GNB1: variants seen among roughly 807,000 people sequenced by gnomAD.
GNB1 encodes G protein subunit beta 1, also known as guanine nucleotide-binding protein G(I)/G(S)/G(T) subunit beta-1.
A neutral mutation model predicts 42.9 loss-of-function variants in GNB1; 2 were observed. The ratio of observed to expected loss-of-function variants is 0.05; its 90% CI spans 0.02 to 0.15. The LOEUF (loss-of-function observed/expected upper bound fraction) is 0.15, where lower values mean the gene tolerates loss of function less well. GNB1 is among the 10% of genes least tolerant of loss of function. The pLI is 1.00. For synonymous variants in GNB1, 183 were observed against 174.7 expected, an observed-to-expected ratio of 1.05 and a Z score of -0.38; for missense variants, 193 against 462.2, an observed-to-expected ratio of 0.42 and a Z score of 5.34.
At chr1:1,853,196 C>T (rs1648085814) in intron 1 of GNB1, among the ~76,000 whole-genome samples, 1 of 152,220 alleles carries the variant, frequency 6.6e-6, no homozygotes, top group Non-Finnish European at 1.5e-5. Flanking sequence ...TATCCCACCT[C>T]TTTTCCACTT....
intron 3 of GNB1, among the ~76,000 whole-genome samples, chr1:1,820,178 G>A (rs560077413): frequency 3.4e-4 from 51 of 152,016 alleles, no homozygotes; most frequent in Non-Finnish European, 6.6e-4. Context: ...CCAACATGGT[G>A]AAACCCCATC....
chr1:1,801,228 A>C (rs1411509782), intron 7 of GNB1, among the ~76,000 whole-genome samples: 1 of 152,162 alleles, frequency 6.6e-6, no homozygotes, highest in African/African-American at 2.4e-5. Context: ...GGGTTTCGTC[A>C]TGTTGGCTAG....
intron 1 of GNB1, among the ~76,000 whole-genome samples, chr1:1,872,935 G>C (rs527407856): frequency 6.6e-6 from 1 of 152,266 alleles, no homozygotes; most frequent in East Asian, 1.9e-4. Flanking sequence ...TCCTAAAGCA[G>C]GAAGTTCTTG....
In GNB1 at chr1:1,851,774, C is replaced by G. The variant is rs1330989643; in HGVS notation, c.-95-12536G>C. Among the ~76,000 whole-genome samples, 3 of 151,932 alleles carry G rather than the reference C, an allele frequency of 2.0e-5. No homozygotes were observed. In the East Asian group the frequency reaches 5.8e-4, roughly 30 times the overall value. ...TAAACAGGCATTCGGCCGGGCACAG[C>G]GGCTCACGCCTATAATCCCAGCACT... On this transcript the variant is annotated intron_variant, in intron 1 of 11. Coordinates refer to ENST00000378609, the MANE Select transcript of GNB1 (RefSeq NM_002074.5).
chr1:1,803,799 C>T (rs1646657724), intron 7 of GNB1, among the ~76,000 whole-genome samples: 1 of 151,738 alleles, frequency 6.6e-6, no homozygotes, highest in South Asian at 2.1e-4. Context: ...CTGGCCAATA[C>T]AGCAAAACCC....
chr1:1,825,590 C>A (rs750726822), intron 2 of GNB1, 91 bp from the exon 3 acceptor site: 1 of 747,540 alleles, frequency 1.3e-6, no homozygotes, highest in South Asian at 1.5e-5. Context: ...TTAAGGTGGG[C>A]GTGGTGGCTC....
At chr1:1,813,344 C>G (rs1235136508) in intron 5 of GNB1, among the ~76,000 whole-genome samples, 1 of 152,140 alleles carries the variant, frequency 6.6e-6, no homozygotes, top group Non-Finnish European at 1.5e-5. Context: ...CTCCTGACCT[C>G]AAGTGATCCG....
chr1:1,886,393 C>G (rs190922313), intron 1 of GNB1, among the ~76,000 whole-genome samples: 4 of 152,178 alleles, frequency 2.6e-5, no homozygotes, highest in African/African-American at 9.6e-5. Flanking sequence ...TTTCTTCAAT[C>G]AAAGTTCTAG....
chr1:1,818,723 T>A (rs893640609), intron 3 of GNB1, among the ~76,000 whole-genome samples: 1 of 151,356 alleles, frequency 6.6e-6, no homozygotes, highest in African/African-American at 2.4e-5. Context: ...AATAGCTGGG[T>A]GTGGTGGCGC....
chr1:1,835,658 G>A (rs1647136574), intron 2 of GNB1, among the ~76,000 whole-genome samples: 1 of 152,108 alleles, frequency 6.6e-6, no homozygotes, highest in East Asian at 1.9e-4. Flanking sequence ...GTGATACTTT[G>A]AAATCTGTGC....
At chr1:1,810,075 A>AAT (rs919783992) in intron 5 of GNB1, among the ~76,000 whole-genome samples, 1 of 151,666 alleles carries the variant, frequency 6.6e-6, no homozygotes, top group African/African-American at 2.4e-5. Context: ...TCCACAAAAA[A>AAT]ATATATATAT....
chr1:1,875,692 A>T (rs1486970585), intron 1 of GNB1, among the ~76,000 whole-genome samples: 1 of 152,110 alleles, frequency 6.6e-6, no homozygotes, highest in Non-Finnish European at 1.5e-5. Context: ...TATGTAAATT[A>T]TCTTACAAGT....
intron 1 of GNB1, among the ~76,000 whole-genome samples, chr1:1,840,228 G>A (rs1050753508): frequency 3.4e-4 from 43 of 127,044 alleles, no homozygotes; most frequent in Non-Finnish European, 1.4e-4. Flanking sequence ...ACACCGTCTC[G>A]AAAAGAAAAA....
intron 1 of GNB1, chr1:1,890,373 C>G (rs1338084769): frequency 6.6e-6 from 1 of 150,960 alleles, no homozygotes; most frequent in East Asian, 2.0e-4. Context: ...CCCCGATAGG[C>G]GGCCCGCGCG....
At position 1,790,975 on chromosome 1, in the gene GNB1, G is replaced by A. The variant is rs541862629; in HGVS notation, c.498-379C>T. ...AAGCTACGTGGAGGCCCTGGATGGC[G>A]GAGGGGACGCGACTCTATCTGTGGC... On this transcript the variant is annotated intron_variant, in intron 8 of 11. Coordinates refer to ENST00000378609, the MANE Select transcript of GNB1 (RefSeq NM_002074.5). This position sits in a 1 kb window ranked among gnomAD's most constrained non-coding sequence, Gnocchi z 5.4. Among the ~76,000 whole-genome samples, 2 of 152,186 alleles carry A rather than the reference G, an allele frequency of 1.3e-5. No homozygotes were observed. Among genetic ancestry groups the A allele is most frequent in the Admixed American group, 6.5e-5 (1 of 15,274 alleles).
chr1:1,864,334 A>AAAG (rs1343671803), intron 1 of GNB1, among the ~76,000 whole-genome samples: 1 of 130,526 alleles, frequency 7.7e-6, no homozygotes, highest in African/African-American at 2.6e-5. Flanking sequence ...AAAAAAAAAA[A>AAAG]AAGAAGAAAA....
intron 1 of GNB1, among the ~76,000 whole-genome samples, chr1:1,862,608 G>A (rs567133846): frequency 3.3e-5 from 5 of 151,578 alleles, no homozygotes; most frequent in African/African-American, 7.3e-5. Context: ...ACTACAAGCC[G>A]TGCTCTGATG....
intron 1 of GNB1, among the ~76,000 whole-genome samples, chr1:1,846,498 C>T (rs1213846691): frequency 6.6e-6 from 1 of 152,106 alleles, no homozygotes; most frequent in Non-Finnish European, 1.5e-5. Context: ...ACCCAGGAGA[C>T]GGAGGTTGCA....
chr1:1,840,538 C>T (rs187016453), intron 1 of GNB1, among the ~76,000 whole-genome samples: 19 of 152,216 alleles, frequency 1.2e-4, no homozygotes, highest in African/African-American at 3.6e-4. Flanking sequence ...AAAACACACA[C>T]GCACACACAC....
Sources: allele counts gnomAD v4.1 joint callset (sites outside exome capture counted in the v4.1 genomes callset), GRCh38; gene constraint gnomAD v4.1.1; non-coding constraint Gnocchi (gnomAD v3.1); transcripts MANE v1.5; gene names NCBI Gene and HGNC (gene_info 2026-07-23, HGNC 2026-07-21).